GRM8: variants seen among roughly 807,000 people sequenced by gnomAD.
GRM8 encodes the protein metabotropic glutamate receptor 8.
In GRM8, 47 loss-of-function variants were observed where a neutral mutation model predicts 87.2. The ratio of observed to expected loss-of-function variants is 0.54; its 90% CI spans 0.43 to 0.69. The LOEUF (loss-of-function observed/expected upper bound fraction) is 0.69, where lower values mean the gene tolerates loss of function less well. Ranked by LOEUF, GRM8 falls within the 30% of genes least tolerant of loss-of-function variation. The probability of loss-of-function intolerance (pLI) is 0.00; values close to 1 mark genes in which losing one functional copy is unlikely to be tolerated. For missense variants in GRM8, 1,019 were observed against 1,139.2 expected, an observed-to-expected ratio of 0.89 and a Z score of 1.52; for synonymous variants, 396 against 404.5, an observed-to-expected ratio of 0.98 and a Z score of 0.25.
In GRM8 at chr7:127,106,563, T is replaced by C. The variant is rs768489139; in HGVS notation, c.660A>G (p.Thr220=). The C allele has an allele frequency of 1.9e-6, 3 of 1,614,116 alleles. No individual in the cohort carries two copies. The highest frequency in any genetic ancestry group is 3.3e-5 in the Admixed American group (2 of 59,992). Residue 220 remains threonine (T), a synonymous_variant, in exon 3 of 11, where the codon ACA becomes ACG. Transcript: ENST00000339582. ...VTALGWNYVS[T]LASEGNYGES... ...CACCATAGTTCCCCTCAGAAGCCAG[T>C]GTCGAAACATAATTCCATCCCAGTG... is the stretch of plus-strand genomic sequence containing the variant.
intron 7 of GRM8, among the ~76,000 whole-genome samples, chr7:126,660,316 A>G (rs560100631): frequency 1.4e-4 from 22 of 152,306 alleles, no homozygotes; most frequent in Non-Finnish European, 2.8e-4. Flanking sequence ...TGCCTCACAG[A>G]GCAGTTAAAA....
intron 6 of GRM8, among the ~76,000 whole-genome samples, chr7:126,803,203 C>G (rs1822923705): frequency 1.3e-5 from 2 of 152,146 alleles, no homozygotes; most frequent in African/African-American, 4.8e-5. Context: ...TAAAACACAT[C>G]CTTTACTAGT....
At chr7:126,990,596 A>G (rs1202617445) in intron 3 of GRM8, among the ~76,000 whole-genome samples, 1 of 152,226 alleles carries the variant, frequency 6.6e-6, no homozygotes. Flanking sequence ...ACTTACAGAC[A>G]AATGCTTTCC....
In GRM8 at chr7:126,902,433, A is replaced by G. The variant is rs917092989; in HGVS notation, c.1156+109T>C. On this transcript the variant is annotated intron_variant, in intron 6 of 10. Coordinates refer to ENST00000339582, the MANE Select transcript of GRM8 (RefSeq NM_000845.3). ...AGACACTATAACAAAAAGACACAAA[A>G]AATAGAAAATACATTCATCATTATC... is the stretch of plus-strand genomic sequence containing the variant. 5.3e-6 allele frequency: 5 copies of G among 935,442 alleles called. No homozygotes were observed. In the African/African-American group the frequency reaches 6.7e-5, roughly 13 times the overall value. 57.9% of individuals were successfully genotyped at this position (935,442 alleles called of 1,614,324 possible). A position where few individuals can be genotyped will look rare whatever the true frequency, so the allele number is the denominator to read the frequency against.
At chr7:127,162,413 G>A (rs931273929) in intron 2 of GRM8, among the ~76,000 whole-genome samples, 6 of 152,162 alleles carry the variant, frequency 3.9e-5, no homozygotes, top group Admixed American at 3.9e-4. Flanking sequence ...TCTTTTCCCA[G>A]GCCAGAAGAG....
chr7:126,631,359 A>T (rs1801236327), intron 7 of GRM8, among the ~76,000 whole-genome samples: 1 of 152,146 alleles, frequency 6.6e-6, no homozygotes, highest in Non-Finnish European at 1.5e-5. Context: ...AGAACTACAA[A>T]CCACTGCCCA....
chr7:126,562,838 G>A (rs1004535710), intron 8 of GRM8, among the ~76,000 whole-genome samples: 3 of 152,034 alleles, frequency 2.0e-5, no homozygotes, highest in Admixed American at 6.6e-5. Flanking sequence ...CAGATATTGC[G>A]GTGAGCCGAG....
chr7:127,021,542 G>A (rs1316877175), intron 3 of GRM8, among the ~76,000 whole-genome samples: 1 of 151,970 alleles, frequency 6.6e-6, no homozygotes, highest in Non-Finnish European at 1.5e-5. Context: ...AAAAAGGTGA[G>A]TCAATCCAGT....
At chr7:127,178,773 T>C (rs1223693543) in intron 2 of GRM8, among the ~76,000 whole-genome samples, 1 of 152,194 alleles carries the variant, frequency 6.6e-6, no homozygotes, top group Non-Finnish European at 1.5e-5. Flanking sequence ...ACTGTTGTTT[T>C]CAGACAAACA....
At chr7:126,919,513 A>C (rs991907928) in intron 3 of GRM8, among the ~76,000 whole-genome samples, 3 of 152,158 alleles carry the variant, frequency 2.0e-5, no homozygotes, top group Admixed American at 2.0e-4. Context: ...TGGGGATCTT[A>C]AAAACTGATT....
intron 6 of GRM8, among the ~76,000 whole-genome samples, chr7:126,843,109 C>CT (rs11436165): frequency 0.21 from 32,603 of 152,024 alleles, 3,913 homozygotes; most frequent in East Asian, 0.5. Flanking sequence ...AAGAAGATAA[C>CT]TATCCATAAC....
intron 7 of GRM8, 140 bp from the exon 8 acceptor site, chr7:126,609,638 T>C (rs1168859830): frequency 1.6e-6 from 1 of 629,264 alleles, no homozygotes; most frequent in African/African-American, 1.8e-5. Context: ...TACAAGGTCA[T>C]TCTTGATAGC....
chr7:126,918,228 T>C (rs1318588506), intron 3 of GRM8, among the ~76,000 whole-genome samples: 1 of 152,196 alleles, frequency 6.6e-6, no homozygotes, highest in Admixed American at 6.5e-5. Context: ...GTATGATACA[T>C]TGATATGCAT....
At chr7:127,120,525 G>C (rs1827022492) in intron 2 of GRM8, among the ~76,000 whole-genome samples, 1 of 152,124 alleles carries the variant, frequency 6.6e-6, no homozygotes, top group South Asian at 2.1e-4. Context: ...ATGAGACTTT[G>C]AATTTTAACA....
chr7:126,730,339 A>G (rs936245173), intron 7 of GRM8, among the ~76,000 whole-genome samples: 1 of 152,214 alleles, frequency 6.6e-6, no homozygotes, highest in African/African-American at 2.4e-5. Flanking sequence ...AAATAAAATA[A>G]GAGCACTTTT....
chr7:126,447,386 T>C (rs554617219), intron 9 of GRM8, among the ~76,000 whole-genome samples: 1 of 151,896 alleles, frequency 6.6e-6, no homozygotes, highest in Admixed American at 6.6e-5. Flanking sequence ...AGAAACCACA[T>C]CTTAAGACTG....
intron 7 of GRM8, among the ~76,000 whole-genome samples, chr7:126,756,805 G>A (rs1817058181): frequency 6.6e-6 from 1 of 152,048 alleles, no homozygotes; most frequent in Admixed American, 6.6e-5. Context: ...GTCAGAGAAT[G>A]AACCTCAACA....
intron 7 of GRM8, among the ~76,000 whole-genome samples, chr7:126,637,258 T>C (rs1412164097): frequency 6.6e-6 from 1 of 151,988 alleles, no homozygotes; most frequent in Non-Finnish European, 1.5e-5. Context: ...GAGGGAAGGA[T>C]ATGATAAGCA....
At chr7:126,457,786 TAATA>T (rs1020120443) in intron 9 of GRM8, among the ~76,000 whole-genome samples, 33 of 138,298 alleles carry the variant, frequency 2.4e-4, no homozygotes, top group Non-Finnish European at 4.9e-4. Context: ...AGGAAGGAAA[TAATA>T]AAGATAAAAG....
Sources: gnomAD v4.1 joint callset for allele counts (sites outside exome capture counted in the v4.1 genomes callset) on GRCh38, gnomAD v4.1.1 for gene constraint, MANE v1.5 for transcripts, NCBI Gene and HGNC (gene_info 2026-07-23, HGNC 2026-07-21) for gene names.